Variants in CFAP52 observed in about 807,000 individuals in gnomAD.
CFAP52 encodes cilia- and flagella-associated protein 52.
CFAP52 carries 57 observed loss-of-function variants against 70.5 expected under a neutral mutation model. That is an observed-to-expected ratio of 0.81 (90% CI 0.65 to 1.01). The LOEUF is 1.01. Ranked by LOEUF, CFAP52 falls within the 50% of genes least tolerant of loss-of-function variation. The probability of loss-of-function intolerance (pLI) is 0.00; values close to 1 mark genes in which losing one functional copy is unlikely to be tolerated. For synonymous variants in CFAP52, 267 were observed against 292.5 expected, an observed-to-expected ratio of 0.91 and a Z score of 0.89; for missense variants, 785 against 788.5, an observed-to-expected ratio of 1.00 and a Z score of 0.05.
rs1483388320 is a variant in CFAP52, at chr17:9,608,115, C to G, written c.754-4C>G. 1 of 1,610,176 alleles carries G rather than the reference C, an allele frequency of 6.2e-7. No homozygotes were observed. Among genetic ancestry groups the G allele is most frequent in the South Asian group, 1.1e-5 (1 of 90,546 alleles). ...CTTTTTCTTAACACAGTTTTTCCCC[C>G]TAGGGAGTGTCAGCTATCAGGTGCC... On this transcript the variant is annotated splice_polypyrimidine_tract_variant and splice_region_variant and intron_variant, in intron 6 of 13. Transcript: ENST00000352665.
chr17:9,585,630 C>A, intron 1 of CFAP52, 143 bp from the exon 2 acceptor site: 1 of 823,010 alleles, frequency 1.2e-6, no homozygotes, highest in Non-Finnish European at 2.0e-6. Flanking sequence ...CAAGACTGCA[C>A]CATTGCACCC....
At chr17:9,622,618 T>C (rs1197284717) in intron 8 of CFAP52, among the ~76,000 whole-genome samples, 1 of 151,980 alleles carries the variant, frequency 6.6e-6, no homozygotes, top group Non-Finnish European at 1.5e-5. Context: ...GAAAATTTGG[T>C]CCCTGCTTAC....
intron 5 of CFAP52, among the ~76,000 whole-genome samples, chr17:9,599,354 T>C (rs995245302): frequency 2.0e-5 from 3 of 152,228 alleles, no homozygotes; most frequent in African/African-American, 7.2e-5. Context: ...TCTTGTTTAA[T>C]GCATAGTCAT....
chr17:9,631,052 G>GAGAAAGACAGAAAGAAAGAAAGAA (rs1910497925), intron 9 of CFAP52, among the ~76,000 whole-genome samples: 1 of 37,950 alleles, frequency 2.6e-5, no homozygotes, highest in Non-Finnish European at 4.5e-5. Flanking sequence ...GAGAGAGAGA[G>GAGAAAGACAGAAAGAAAGAAAGAA]AGAAAGAAAG....
intron 5 of CFAP52, 149 bp downstream of exon 5, chr17:9,598,482 C>T (rs1909120406): frequency 1.7e-6 from 1 of 594,968 alleles, no homozygotes; most frequent in Non-Finnish European, 2.8e-6. Context: ...CTCACTTTGG[C>T]CAGGTGCAGT....
Position 9,643,139 on chromosome 17 carries a change from A to ATTGTTAGTG in CFAP52, c.1806_1814dup (p.Val603_Val605dup). ...CCGCATAAGTCCAGGAAATCAATAT[A>ATTGTTAGTG]TTGTTAGTGTAAGTGCCGATGGAGC... On this transcript the variant is annotated inframe_insertion, in exon 14 of 14. Coordinates refer to ENST00000352665, the MANE Select transcript of CFAP52 (RefSeq NM_145054.5). 1 of 1,613,544 alleles carries ATTGTTAGTG rather than the reference A, an allele frequency of 6.2e-7. No homozygotes were observed. The highest frequency in any genetic ancestry group is 8.5e-7 in the Non-Finnish European group (1 of 1,179,796).
chr17:9,616,157 C>T (rs1314339680), intron 8 of CFAP52, among the ~76,000 whole-genome samples: 4 of 150,856 alleles, frequency 2.7e-5, no homozygotes, highest in Non-Finnish European at 5.9e-5. Flanking sequence ...GTGCGCGAGC[C>T]GAAGCAGGTC....
intron 9 of CFAP52, among the ~76,000 whole-genome samples, chr17:9,632,396 T>A (rs76282985): frequency 0.011 from 1,692 of 152,010 alleles, 9 homozygotes; most frequent in Middle Eastern, 0.02. Context: ...CCTTTTTTTT[T>A]AAATAAAAAA....
intron 7 of CFAP52, 34 bp downstream of exon 7, chr17:9,608,253 A>G (rs981605334): frequency 2.7e-6 from 4 of 1,478,590 alleles, no homozygotes; most frequent in East Asian, 4.7e-5. Flanking sequence ...GGGGCTGGGT[A>G]GAGACCCACT....
Position 9,608,173 on chromosome 17 carries a change from G to A in CFAP52, c.808G>A (p.Ala270Thr), listed in dbSNP as rs1766736486. 6.2e-7 allele frequency: 1 copy of A among 1,612,736 alleles called. No individual in the cohort carries two copies. Among genetic ancestry groups the A allele is most frequent in the Non-Finnish European group, 8.5e-7 (1 of 1,179,192 alleles). Residue 270 changes from alanine to threonine, a missense_variant, in exon 7 of 14, where the codon GCC becomes ACC. Physicochemically the swap from Ala to Thr is moderately conservative, Grantham distance 58. Transcript: ENST00000352665. ...GGGGGGTTTGTTGGTGGGCTCTGGAGCCGGACTGCTGGTCTTCTGTAAAAG... is the reference window on the plus strand; with the variant it reads ...GGGGGGTTTGTTGGTGGGCTCTGGAACCGGACTGCTGGTCTTCTGTAAAAG... Reference protein sequence around the residue: ...KMGGLLVGSGAGLLVFCKSPG... With the variant: ...KMGGLLVGSGTGLLVFCKSPG...
In CFAP52 at chr17:9,643,378, T is replaced by A; in HGVS notation, c.*180T>A. The A allele has an allele frequency of 2.1e-6, 1 of 481,296 alleles. No individual in the cohort carries two copies. The highest frequency in any genetic ancestry group is 3.4e-6 in the Non-Finnish European group (1 of 290,882). 29.8% of individuals were successfully genotyped at this position (481,296 alleles called of 1,614,324 possible). Reference sequence around the variant, plus strand: ...TAAATTGCATATTAAAATTGAAGTATGTTCAAGAATAATTTGTGCAGACTC... The same window carrying A: ...TAAATTGCATATTAAAATTGAAGTAAGTTCAAGAATAATTTGTGCAGACTC... On this transcript the variant is annotated 3_prime_UTR_variant, in exon 14 of 14. Transcript: ENST00000352665.
chr17:9,603,771 C>T (rs923821560), intron 6 of CFAP52, among the ~76,000 whole-genome samples: 1 of 152,142 alleles, frequency 6.6e-6, no homozygotes, highest in Admixed American at 6.6e-5. Context: ...ACCACTATGG[C>T]ACATGTACAC....
chr17:9,600,626 G>A (rs1008551058), intron 6 of CFAP52, among the ~76,000 whole-genome samples: 4 of 152,024 alleles, frequency 2.6e-5, no homozygotes, highest in East Asian at 3.9e-4. Context: ...GTGCAGTGGC[G>A]AGATGTCGGT....
intron 6 of CFAP52, among the ~76,000 whole-genome samples, chr17:9,604,620 T>A (rs1442029406): frequency 6.6e-6 from 1 of 151,548 alleles, no homozygotes; most frequent in East Asian, 1.9e-4. Context: ...ATACAAAAGT[T>A]AGCCAAGTGT....
intron 11 of CFAP52, among the ~76,000 whole-genome samples, chr17:9,636,002 T>C (rs1257215478): frequency 6.6e-6 from 1 of 151,542 alleles, no homozygotes; most frequent in Non-Finnish European, 1.5e-5. Flanking sequence ...GTGAAACCCC[T>C]TCTCTACTAA....
chr17:9,622,113 T>C (rs1910063719), intron 8 of CFAP52, among the ~76,000 whole-genome samples: 1 of 152,242 alleles, frequency 6.6e-6, no homozygotes, highest in Admixed American at 6.5e-5. Flanking sequence ...TATTTTCACC[T>C]TTCCTCCACC....
chr17:9,636,170 GTC>G (rs1329731265), intron 11 of CFAP52, among the ~76,000 whole-genome samples: 1 of 117,642 alleles, frequency 8.5e-6, no homozygotes, highest in Non-Finnish European at 1.8e-5. Context: ...GTGAAACTCT[GTC>G]TCAAAAAAAA....
At position 9,608,002 on chromosome 17, in the gene CFAP52, T is replaced by A. The variant is rs950208378; in HGVS notation, c.754-117T>A. The A allele has an allele frequency of 1.3e-5, 9 of 676,912 alleles. No homozygotes were observed. The African/African-American group carries it at 1.4e-4, about 11-fold the overall frequency. The allele number at this position is 676,912 out of a possible 1,614,324, so 41.9% of individuals were successfully genotyped here. ...TTCTTTTTTTCATTAATATTTAAAA[T>A]TTTTTTTATTGCCATATGTTTTTGG... On this transcript the variant is annotated intron_variant, in intron 6 of 13. Coordinates refer to ENST00000352665, the MANE Select transcript of CFAP52 (RefSeq NM_145054.5).
intron 4 of CFAP52, among the ~76,000 whole-genome samples, chr17:9,597,802 A>AG (rs1909078107): frequency 1.5e-5 from 2 of 133,806 alleles, no homozygotes; most frequent in Non-Finnish European, 3.1e-5. Context: ...ACTCTGTCAG[A>AG]AAGAGAGAGA....
Sources: allele counts gnomAD v4.1 joint callset (sites outside exome capture counted in the v4.1 genomes callset), GRCh38; gene constraint gnomAD v4.1.1; transcripts MANE v1.5; gene names NCBI Gene and HGNC (gene_info 2026-07-23, HGNC 2026-07-21).